ZCCHC14: variants seen among roughly 807,000 people sequenced by gnomAD.
ZCCHC14 encodes the protein zinc finger CCHC domain-containing protein 14.
Under a neutral mutation model 85.0 loss-of-function variants are expected in ZCCHC14, and 16 were observed. That is an observed-to-expected ratio of 0.19 (90% CI 0.13 to 0.29). The LOEUF (loss-of-function observed/expected upper bound fraction) is 0.29. Among genes scored for constraint, ZCCHC14 ranks in the 10% least tolerant of loss-of-function variants. The pLI is 1.00. For synonymous variants in ZCCHC14, 775 were observed against 630.7 expected, an observed-to-expected ratio of 1.23 and a Z score of -3.43; for missense variants, 1,303 against 1,443.5, an observed-to-expected ratio of 0.90 and a Z score of 1.58.
At chr16:87,467,045 GT>G (rs11313580) in intron 1 of ZCCHC14, 148,176 of 279,046 alleles carry the variant, frequency 0.53, 29,735 homozygotes, top group Non-Finnish European at 0.58. Flanking sequence ...AAAAAAAATT[GT>G]TTTTTTTTTT....
At chr16:87,446,925 G>A (rs1037233362) in intron 2 of ZCCHC14, among the ~76,000 whole-genome samples, 1 of 152,058 alleles carries the variant, frequency 6.6e-6, no homozygotes, top group African/African-American at 2.4e-5. Context: ...GACCTCAGGT[G>A]ATCCACCTGC....
At position 87,408,969 on chromosome 16, in the gene ZCCHC14, C is replaced by T. The variant is rs1908320137; in HGVS notation, c.*1311G>A. 6.6e-6 allele frequency: 1 copy of T among 152,566 alleles called. No individual in the cohort carries two copies. The highest frequency in any genetic ancestry group is 2.1e-4 in the South Asian group (1 of 4,830). 9.5% of individuals were successfully genotyped at this position (152,566 alleles called of 1,614,324 possible). A position where few individuals can be genotyped will look rare whatever the true frequency, so the allele number is the denominator to read the frequency against. The stretch of plus-strand genomic sequence containing the variant: ...ATTTGAGCAGAAAATTCCCTTTAAC[C>T]TTGAAGATTTAAGTCCGTAAATTTC... On this transcript the variant is annotated 3_prime_UTR_variant, in exon 13 of 13. Coordinates refer to ENST00000671377, the MANE Select transcript of ZCCHC14 (RefSeq NM_015144.3).
intron 10 of ZCCHC14, among the ~76,000 whole-genome samples, chr16:87,413,649 C>G (rs191798894): frequency 1.3e-3 from 198 of 152,118 alleles, no homozygotes; most frequent in Non-Finnish European, 2.3e-3. Flanking sequence ...TGTGAGACAA[C>G]GGAGCAAGCG....
intron 3 of ZCCHC14, among the ~76,000 whole-genome samples, chr16:87,425,167 C>G (rs553214940): frequency 4.1e-4 from 62 of 152,294 alleles, no homozygotes; most frequent in Middle Eastern, 3.4e-3. Flanking sequence ...AGGGCCACCT[C>G]TTCTTCACCA....
chr16:87,492,833 G>A lies in ZCCHC14; in HGVS notation c.-595C>T, dbSNP rs1187187558. ...CGCTGGAGGGGGAGGGACGCGCGGC[G>A]GGAGGCGCGGAGGGATCCGGCCGGG... On this transcript the variant is annotated 5_prime_UTR_variant, in exon 1 of 13. Coordinates refer to ENST00000671377, the MANE Select transcript of ZCCHC14 (RefSeq NM_015144.3). This position sits in a 1 kb window ranked among gnomAD's most constrained non-coding sequence, Gnocchi z 6.7. 4.7e-5 allele frequency among the ~76,000 whole-genome samples: 7 copies of A among 147,874 alleles called. No individual in the cohort carries two copies. Among genetic ancestry groups the A allele is most frequent in the Admixed American group, 4.7e-4 (7 of 14,908 alleles).
rs773568343 is a variant in ZCCHC14 at position 87,412,514 on chromosome 16, G to C, written c.2207C>G (p.Ala736Gly). The change falls in exon 12 of 13, where the codon GCA (alanine) becomes GGA (glycine). Residue 736 changes from alanine (A) to glycine (G), a missense_variant. By Grantham distance (60) the Ala-to-Gly change is moderately conservative. This residue lies in a region of ZCCHC14 where 797 missense variants were observed against 730.8 expected (regional missense o/e 1.09). Transcript: ENST00000671377. ...SFGPRTKVVH[A>G]STLDRVLKTA... is the part of the protein sequence containing the mutation. ...CTTCAGCACCCTGTCCAGCGTGGAT[G>C]CATGCACGACTTTGGTCCGGGGACC... The C allele has an allele frequency of 5.6e-6, 9 of 1,614,092 alleles. No individual in the cohort carries two copies. The Admixed American group carries it at 1.5e-4, about 27-fold the overall frequency.
chr16:87,417,913 T>A, intron 7 of ZCCHC14, 171 bp from the exon 8 acceptor site: 1 of 704,764 alleles, frequency 1.4e-6, no homozygotes, highest in Admixed American at 3.0e-5. Context: ...CTGCCCTCCC[T>A]CCCCAACCAC....
intron 1 of ZCCHC14, among the ~76,000 whole-genome samples, chr16:87,468,498 C>T (rs1301012975): frequency 6.6e-6 from 1 of 151,958 alleles, no homozygotes; most frequent in African/African-American, 2.4e-5. Context: ...CTTCAGCCTC[C>T]AGAGAAGCTG....
chr16:87,467,817 A>G (rs920925535), intron 1 of ZCCHC14, among the ~76,000 whole-genome samples: 2 of 152,018 alleles, frequency 1.3e-5, no homozygotes, highest in Non-Finnish European at 2.9e-5. Context: ...ACGCCCGGCT[A>G]ATTTTTTGTA....
intron 1 of ZCCHC14, among the ~76,000 whole-genome samples, chr16:87,483,749 C>T (rs1388290104): frequency 1.3e-5 from 2 of 152,210 alleles, no homozygotes; most frequent in African/African-American, 4.8e-5. Flanking sequence ...ATTCTAAAAG[C>T]AGATCTCGGC....
At chr16:87,456,868 A>G (rs75436231) in intron 2 of ZCCHC14, among the ~76,000 whole-genome samples, 33 of 152,368 alleles carry the variant, frequency 2.2e-4, no homozygotes, top group African/African-American at 7.9e-4. Context: ...ACTGGTATAT[A>G]AACAAGTTTA....
rs746745511 is a variant in ZCCHC14 at position 87,410,286 on chromosome 16, T to G, written c.3255A>C (p.Thr1085=). Residue 1085 remains threonine (T), a synonymous_variant, in exon 13 of 13, where the codon ACA becomes ACC. Transcript: ENST00000671377. ...CTGTTGCCAGAGAAAAATATCAATC[T>G]GTGGAGTCCAGACTTTCTGCTGGAG... ...YAPPAESLDS[T]D is the part of the protein sequence containing the mutation. 1.3e-6 allele frequency: 1 copy of G among 773,848 alleles called. No homozygotes were observed. Among genetic ancestry groups the G allele is most frequent in the Admixed American group, 1.7e-5 (1 of 57,188 alleles). 47.9% of individuals were successfully genotyped at this position (773,848 alleles called of 1,614,324 possible). A position where few individuals can be genotyped will look rare whatever the true frequency, so the allele number is the denominator to read the frequency against.
chr16:87,431,620 T>C (rs527605376), intron 3 of ZCCHC14, among the ~76,000 whole-genome samples: 41 of 152,200 alleles, frequency 2.7e-4, no homozygotes, highest in Admixed American at 9.8e-4. Flanking sequence ...GGACTAAGGA[T>C]TGGGAGCAAA....
In ZCCHC14 at chr16:87,482,395, C is replaced by T. The variant is rs563430255; in HGVS notation, c.570+9274G>A. Among the ~76,000 whole-genome samples the T allele has an allele frequency of 5.9e-5, 9 of 152,304 alleles. No individual in the cohort carries two copies. In the South Asian group the frequency reaches 1.9e-3, roughly 32 times the overall value. ...CAGAGGAAAAACTGAAAACAAATGT[C>T]CAGAGAAGAGGAAAACCAGCAGTGC... On this transcript the variant is annotated intron_variant, in intron 1 of 12. Coordinates refer to ENST00000671377, the MANE Select transcript of ZCCHC14 (RefSeq NM_015144.3).
chr16:87,454,971 C>A (rs1382417751), intron 2 of ZCCHC14, among the ~76,000 whole-genome samples: 2 of 152,322 alleles, frequency 1.3e-5, no homozygotes, highest in Admixed American at 1.3e-4. Context: ...CCATCAGCCA[C>A]CAATGCAACA....
rs1908321591 is a variant in ZCCHC14, at chr16:87,409,018, G to T, written c.*1262C>A. ...TCAGACAAAAGGCTTTCATTTCCGT[G>T]GGTTGAAATTTAGAGATCTACAGTG... On this transcript the variant is annotated 3_prime_UTR_variant, in exon 13 of 13. Transcript: ENST00000671377. 3 of 152,336 alleles carry T rather than the reference G, an allele frequency of 2.0e-5. No individual in the cohort carries two copies. Among genetic ancestry groups the T allele is most frequent in the Non-Finnish European group, 2.9e-5 (2 of 67,980 alleles). 9.4% of individuals were successfully genotyped at this position (152,336 alleles called of 1,614,324 possible).
intron 1 of ZCCHC14, among the ~76,000 whole-genome samples, chr16:87,474,581 G>A (rs1911918346): frequency 6.6e-6 from 1 of 152,188 alleles, no homozygotes; most frequent in African/African-American, 2.4e-5. Flanking sequence ...AAGACAAGCA[G>A]AAACTGGAGG....
intron 3 of ZCCHC14, among the ~76,000 whole-genome samples, chr16:87,431,474 A>C (rs1274131689): frequency 8.4e-5 from 10 of 119,694 alleles, no homozygotes; most frequent in Non-Finnish European, 1.6e-4. Flanking sequence ...CTCTGTCTGA[A>C]AAAAAAAAAA....
intron 3 of ZCCHC14, among the ~76,000 whole-genome samples, chr16:87,430,100 T>C (rs1909575965): frequency 6.6e-6 from 1 of 152,224 alleles, no homozygotes. Flanking sequence ...TTTATGGATG[T>C]TTTCAGCACC....
Sources: gnomAD v4.1 joint callset for allele counts (sites outside exome capture counted in the v4.1 genomes callset) on GRCh38, gnomAD v4.1.1 for gene constraint, gnomAD v4.1.1 regional missense constraint, Gnocchi (gnomAD v3.1) non-coding constraint, MANE v1.5 for transcripts, NCBI Gene and HGNC (gene_info 2026-07-23, HGNC 2026-07-21) for gene names.